Variants in NFIB observed in about 807,000 individuals in gnomAD.
NFIB encodes nuclear factor 1 B-type.
In NFIB, 11 loss-of-function variants were observed where a neutral mutation model predicts 61.5. That is an observed-to-expected ratio of 0.18 (90% CI 0.11 to 0.30). The LOEUF (loss-of-function observed/expected upper bound fraction) is 0.30, where lower values mean the gene tolerates loss of function less well. NFIB is among the 10% of genes least tolerant of loss of function. The probability of loss-of-function intolerance (pLI) is 1.00; values close to 1 mark genes in which losing one functional copy is unlikely to be tolerated. For synonymous variants in NFIB, 260 were observed against 216.5 expected (o/e 1.20, Z -1.76); for missense variants, 471 against 608.9 (o/e 0.77, Z 2.38).
intron 1 of NFIB, among the ~76,000 whole-genome samples, chr9:14,340,788 T>G (rs2060940256): frequency 6.6e-6 from 1 of 152,166 alleles, no homozygotes; most frequent in South Asian, 2.1e-4. Context: ...TTTTGCTCTG[T>G]AGGCAGTTGT....
At chr9:14,114,600 A>G (rs532431214) in intron 9 of NFIB, among the ~76,000 whole-genome samples, 2 of 152,324 alleles carry the variant, frequency 1.3e-5, no homozygotes, top group East Asian at 3.9e-4. Flanking sequence ...CCTTTTGAAT[A>G]TTTTGTAATT....
chr9:14,333,421 C>T (rs1012718176), intron 1 of NFIB, among the ~76,000 whole-genome samples: 1 of 152,144 alleles, frequency 6.6e-6, no homozygotes, highest in Non-Finnish European at 1.5e-5. Context: ...TTTCCTCATC[C>T]TCCCACTCAA....
At chr9:14,376,114 G>A (rs760668996) in intron 1 of NFIB, among the ~76,000 whole-genome samples, 5 of 152,158 alleles carry the variant, frequency 3.3e-5, no homozygotes, top group Non-Finnish European at 7.3e-5. Context: ...CAGTGGCTAT[G>A]CACAGGCATG....
intron 1 of NFIB, among the ~76,000 whole-genome samples, chr9:14,353,269 G>A (rs919677511): frequency 1.3e-5 from 2 of 152,128 alleles, no homozygotes; most frequent in African/African-American, 4.8e-5. Context: ...TTTGTGCGTG[G>A]AAAGGGGAGG....
At chr9:14,311,227 T>C (rs756480268) in intron 1 of NFIB, among the ~76,000 whole-genome samples, 1 of 152,094 alleles carries the variant, frequency 6.6e-6, no homozygotes, top group African/African-American at 2.4e-5. Flanking sequence ...AAAACCTAGA[T>C]ACCTTATTGC....
the NFIB span, among the ~76,000 whole-genome samples, chr9:14,460,444 C>G: frequency 6.6e-6 from 1 of 151,848 alleles, no homozygotes; most frequent in Non-Finnish European, 1.5e-5. Flanking sequence ...GTGCAGCACA[C>G]CAACATGGCA....
intron 2 of NFIB, among the ~76,000 whole-genome samples, chr9:14,260,573 T>C (rs1307328037): frequency 1.3e-5 from 2 of 152,246 alleles, no homozygotes; most frequent in African/African-American, 4.8e-5. Context: ...ACGGTTTTGA[T>C]TTCCCATGGA....
chr9:14,429,927 A>T, the NFIB span, among the ~76,000 whole-genome samples: 3 of 152,250 alleles, frequency 2.0e-5, no homozygotes, highest in Non-Finnish European at 2.9e-5. Flanking sequence ...TTTTTAAATA[A>T]GAGAGTATTC....
At chr9:14,268,656 T>C (rs1251811750) in intron 2 of NFIB, among the ~76,000 whole-genome samples, 3 of 152,236 alleles carry the variant, frequency 2.0e-5, no homozygotes, top group African/African-American at 7.2e-5. Flanking sequence ...AATAGCTCTT[T>C]TTATGTATCT....
chr9:14,407,175 T>C, the NFIB span, among the ~76,000 whole-genome samples: 2 of 152,176 alleles, frequency 1.3e-5, no homozygotes, highest in African/African-American at 4.8e-5. Flanking sequence ...ACACAGTCAT[T>C]GTAAAAGTTA....
intron 2 of NFIB, among the ~76,000 whole-genome samples, chr9:14,209,178 A>G (rs2131706633): frequency 6.6e-6 from 1 of 152,334 alleles, no homozygotes; most frequent in Admixed American, 6.5e-5. Flanking sequence ...ACATGGAGAT[A>G]TTTTTAATTC....
intron 6 of NFIB, among the ~76,000 whole-genome samples, chr9:14,127,267 G>C (rs1294096779): frequency 6.6e-6 from 1 of 152,148 alleles, no homozygotes; most frequent in East Asian, 1.9e-4. Context: ...AACATCTTGA[G>C]TGCTGTTGAC....
the NFIB span, among the ~76,000 whole-genome samples, chr9:14,528,789 A>G: frequency 6.6e-6 from 1 of 152,162 alleles, no homozygotes; most frequent in Non-Finnish European, 1.5e-5. Flanking sequence ...GAAAGTCCAA[A>G]AATTGTTTTT....
chr9:14,461,353 A>G, the NFIB span, among the ~76,000 whole-genome samples: 2 of 152,242 alleles, frequency 1.3e-5, no homozygotes, highest in East Asian at 1.9e-4. Flanking sequence ...GAAATAATCC[A>G]AAAGAAAAGT....
the NFIB span, among the ~76,000 whole-genome samples, chr9:14,481,082 T>C: frequency 6.6e-6 from 1 of 150,434 alleles, no homozygotes; most frequent in Non-Finnish European, 1.5e-5. Context: ...GCAAAGCAAG[T>C]AGGAAGCGCT....
chr9:14,128,437 C>T lies in NFIB; in HGVS notation c.926-2671G>A, dbSNP rs1353996799. 2.6e-5 allele frequency among the ~76,000 whole-genome samples: 4 copies of T among 152,034 alleles called. 1 individual carries two copies. The highest frequency in any genetic ancestry group is 4.4e-5 in the Non-Finnish European group (3 of 68,026). Reference sequence around the variant, plus strand: ...TTTAGGCCGGGTGCAGTGGCTCACGCCTGTAATCCCAACACTTTGGGAGGC... The same window carrying T: ...TTTAGGCCGGGTGCAGTGGCTCACGTCTGTAATCCCAACACTTTGGGAGGC... On this transcript the variant is annotated intron_variant, in intron 6 of 10. Transcript: ENST00000380953.
chr9:14,276,382 A>T (rs892766963), intron 2 of NFIB, among the ~76,000 whole-genome samples: 1 of 152,212 alleles, frequency 6.6e-6, no homozygotes, highest in African/African-American at 2.4e-5. Context: ...TACAAGTATG[A>T]GGTATAACTT....
chr9:14,097,664 A>C (rs919723496), intron 10 of NFIB, among the ~76,000 whole-genome samples: 1 of 152,136 alleles, frequency 6.6e-6, no homozygotes, highest in Non-Finnish European at 1.5e-5. Context: ...ACACAAACAC[A>C]TATATGTAAT....
intron 2 of NFIB, among the ~76,000 whole-genome samples, chr9:14,263,022 G>A (rs1269113657): frequency 6.6e-6 from 1 of 152,168 alleles, no homozygotes; most frequent in Admixed American, 6.5e-5. Flanking sequence ...TAGGGGTGCA[G>A]ACATGATTTC....
Sources: allele counts gnomAD v4.1 joint callset (sites outside exome capture counted in the v4.1 genomes callset), GRCh38; gene constraint gnomAD v4.1.1; transcripts MANE v1.5; gene names NCBI Gene and HGNC (gene_info 2026-07-23, HGNC 2026-07-21).